LRRC7: variants seen among roughly 807,000 people sequenced by gnomAD.
The protein encoded by LRRC7 is leucine-rich repeat-containing protein 7.
In LRRC7, 23 loss-of-function variants were observed where a neutral mutation model predicts 175.7. The ratio of observed to expected loss-of-function variants is 0.13; its 90% CI spans 0.09 to 0.19. LRRC7 has a LOEUF of 0.19. Ranked by LOEUF, LRRC7 falls within the 10% of genes least tolerant of loss-of-function variation. LRRC7 has a pLI of 1.00. For synonymous variants in LRRC7, 685 were observed against 680.9 expected, an observed-to-expected ratio of 1.01 and a Z score of -0.09; for missense variants, 1,354 against 1,904.7, an observed-to-expected ratio of 0.71 and a Z score of 5.38.
At chr1:69,737,537 T>C (rs952218428) in intron 2 of LRRC7, among the ~76,000 whole-genome samples, 3 of 152,130 alleles carry the variant, frequency 2.0e-5, no homozygotes, top group Admixed American at 2.0e-4. Flanking sequence ...AACTATTTGA[T>C]GCTACCCTTT....
At chr1:69,999,564 G>A (rs974916282) in intron 11 of LRRC7, among the ~76,000 whole-genome samples, 16 of 152,136 alleles carry the variant, frequency 1.1e-4, no homozygotes, top group African/African-American at 3.9e-4. Context: ...CATCAATATA[G>A]CCAATATAAT....
intron 26 of LRRC7, among the ~76,000 whole-genome samples, chr1:70,114,098 T>C (rs932262907): frequency 2.6e-5 from 4 of 152,096 alleles, no homozygotes; most frequent in African/African-American, 9.7e-5. Flanking sequence ...AAATTGTTTA[T>C]GGTTAAAATG....
At chr1:69,718,087 A>AAAGAG (rs1665831479) in intron 2 of LRRC7, among the ~76,000 whole-genome samples, 2 of 144,396 alleles carry the variant, frequency 1.4e-5, no homozygotes, top group East Asian at 2.0e-4. Context: ...AGAGAGAGAA[A>AAAGAG]AAGAAAGAGA....
rs1667184964 is a variant in LRRC7, at chr1:70,143,782, CTGTAT to C, written c.*21900_*21904del. On this transcript the variant is annotated 3_prime_UTR_variant, in exon 27 of 27. Transcript: ENST00000651989. ...ATCACAACATGTTTAACTGAAATGG[CTGTAT>C]TGTAATTAATATTTTGAGATAATTG... 1.3e-5 allele frequency: 2 copies of C among 152,008 alleles called. No individual in the cohort carries two copies. The highest frequency in any genetic ancestry group is 2.9e-5 in the Non-Finnish European group (2 of 68,014). 9.4% of individuals were successfully genotyped at this position (152,008 alleles called of 1,614,324 possible).
chr1:69,921,403 A>G (rs1345728872), intron 7 of LRRC7, among the ~76,000 whole-genome samples: 1 of 152,146 alleles, frequency 6.6e-6, no homozygotes, highest in Non-Finnish European at 1.5e-5. Context: ...CAAAGCCAAT[A>G]TAGTATTTAA....
In LRRC7 at chr1:69,764,730, C is replaced by CAGATAGATAGATAGAT. The variant is rs112836690; in HGVS notation, c.303+4373_303+4388dup. On this transcript the variant is annotated intron_variant, in intron 3 of 26. Transcript: ENST00000651989. ...ATAGATAGGTAGGTAGATAGATAGA[C>CAGATAGATAGATAGAT]AGATAGATAGATAGATAGATAGATA... Among the ~76,000 whole-genome samples, 135 of 140,410 alleles carry CAGATAGATAGATAGAT rather than the reference C, an allele frequency of 9.6e-4. 1 individual carries two copies. The highest frequency in any genetic ancestry group is 1.4e-3 in the African/African-American group (53 of 37,484). 92.1% of individuals were successfully genotyped at this position (140,410 alleles called of 152,430 possible). A position where few individuals can be genotyped will look rare whatever the true frequency, so the allele number is the denominator to read the frequency against.
At chr1:70,023,908 T>C (rs887379000) in intron 17 of LRRC7, among the ~76,000 whole-genome samples, 17 of 152,064 alleles carry the variant, frequency 1.1e-4, no homozygotes, top group African/African-American at 3.9e-4. Context: ...TATGAATTCC[T>C]GTAAGAGAAG....
chr1:69,872,438 G>T (rs1685646938), intron 7 of LRRC7, among the ~76,000 whole-genome samples: 1 of 151,952 alleles, frequency 6.6e-6, no homozygotes, highest in Admixed American at 6.6e-5. Context: ...ATATAATGGA[G>T]TCAGGTGCAC....
At chr1:69,829,531 C>A (rs1304452307) in intron 5 of LRRC7, among the ~76,000 whole-genome samples, 1 of 151,688 alleles carries the variant, frequency 6.6e-6, no homozygotes, top group Non-Finnish European at 1.5e-5. Context: ...CTAGAGTAAC[C>A]CTACTGATCT....
At chr1:69,780,138 TCTGAGTAAGTCA>T (rs1673319562) in intron 3 of LRRC7, among the ~76,000 whole-genome samples, 1 of 152,202 alleles carries the variant, frequency 6.6e-6, no homozygotes. Context: ...AAAACAAAAA[TCTGAGTAAGTCA>T]CTTCGTTGCA....
At chr1:69,824,751 G>A (rs1163180662) in intron 4 of LRRC7, among the ~76,000 whole-genome samples, 1 of 152,074 alleles carries the variant, frequency 6.6e-6, no homozygotes, top group Non-Finnish European at 1.5e-5. Context: ...ATTATATCCT[G>A]CCACAAAGTG....
chr1:69,870,786 C>T (rs894294750), intron 7 of LRRC7, among the ~76,000 whole-genome samples: 15 of 152,082 alleles, frequency 9.9e-5, no homozygotes, highest in African/African-American at 3.6e-4. Context: ...CACTCACTCC[C>T]TCTTCTGTAG....
intron 3 of LRRC7, among the ~76,000 whole-genome samples, chr1:69,766,440 A>G (rs1372936910): frequency 6.6e-6 from 1 of 152,124 alleles, no homozygotes; most frequent in East Asian, 1.9e-4. Flanking sequence ...TCACACATTA[A>G]CTGTTTTGTG....
At chr1:69,842,331 A>G (rs1557798050) in intron 7 of LRRC7, among the ~76,000 whole-genome samples, 1 of 152,154 alleles carries the variant, frequency 6.6e-6, no homozygotes, top group Non-Finnish European at 1.5e-5. Flanking sequence ...TCAAGTTAAA[A>G]TAAGGCCTCA....
At chr1:69,698,510 A>G (rs1570406554) in intron 2 of LRRC7, among the ~76,000 whole-genome samples, 4 of 152,248 alleles carry the variant, frequency 2.6e-5, no homozygotes, top group African/African-American at 7.2e-5. Context: ...TCTTATAGAG[A>G]AACCCATCTA....
At position 70,135,065 on chromosome 1, in the gene LRRC7, C is replaced by T. The variant is rs962441056; in HGVS notation, c.*13178C>T. 6.6e-6 allele frequency among the ~76,000 whole-genome samples: 1 copy of T among 152,138 alleles called. No homozygotes were observed. The highest frequency in any genetic ancestry group is 1.5e-5 in the Non-Finnish European group (1 of 68,020). On this transcript the variant is annotated 3_prime_UTR_variant, in exon 27 of 27. Coordinates refer to ENST00000651989, the MANE Select transcript of LRRC7 (RefSeq NM_001370785.2). ...TTTTACTGAAGAGTATAAGAGAAAA[C>T]GTCTTGAAAGTTTGTATGTATGTAT...
intron 7 of LRRC7, among the ~76,000 whole-genome samples, chr1:69,850,063 G>T (rs1297614907): frequency 4.6e-5 from 7 of 151,984 alleles, no homozygotes; most frequent in Non-Finnish European, 1.0e-4. Context: ...GGGTGATTTG[G>T]GGTGGGGGTT....
intron 7 of LRRC7, among the ~76,000 whole-genome samples, chr1:69,923,694 G>A (rs1570670815): frequency 6.6e-6 from 1 of 152,100 alleles, no homozygotes; most frequent in Non-Finnish European, 1.5e-5. Flanking sequence ...TGTAGATTCT[G>A]GATATTAGCC....
rs1230851713 is a variant in LRRC7, at chr1:70,126,696, T to G, written c.*4809T>G. ...ATGTGCGCTATGTATAGAAAGCATG[T>G]GGGTCACTATTACAGGAGATCCTGA... On this transcript the variant is annotated 3_prime_UTR_variant, in exon 27 of 27. Coordinates refer to ENST00000651989, the MANE Select transcript of LRRC7 (RefSeq NM_001370785.2). Among the ~76,000 whole-genome samples the G allele has an allele frequency of 7.9e-5, 12 of 152,186 alleles. No homozygotes were observed. Among genetic ancestry groups the G allele is most frequent in the Admixed American group, 7.9e-4 (12 of 15,278 alleles).
Sources: allele counts gnomAD v4.1 joint callset (sites outside exome capture counted in the v4.1 genomes callset), GRCh38; gene constraint gnomAD v4.1.1; transcripts MANE v1.5; gene names NCBI Gene and HGNC (gene_info 2026-07-23, HGNC 2026-07-21).